Variants in GC observed in about 807,000 individuals in gnomAD.
GC encodes GC vitamin D binding protein.
Under a neutral mutation model 56.7 loss-of-function variants are expected in GC, and 43 were observed. The ratio of observed to expected loss-of-function variants is 0.76; its 90% CI spans 0.59 to 0.98. The LOEUF (loss-of-function observed/expected upper bound fraction) is 0.98, where lower values mean the gene tolerates loss of function less well. GC is among the 50% of genes least tolerant of loss of function. GC has a pLI of 0.00. For synonymous variants in GC, 216 were observed against 202.7 expected, an observed-to-expected ratio of 1.07 and a Z score of -0.56; for missense variants, 529 against 545.9, an observed-to-expected ratio of 0.97 and a Z score of 0.31.
In GC at chr4:71,752,890, T is replaced by G. The variant is rs180847653; in HGVS notation, c.1263-240A>C. Among the ~76,000 whole-genome samples, 422 of 152,296 alleles carry G rather than the reference T, an allele frequency of 2.8e-3. 2 individuals carry two copies. The highest frequency in any genetic ancestry group is 4.5e-3 in the Non-Finnish European group (307 of 68,020). On this transcript the variant is annotated intron_variant, in intron 10 of 12. Coordinates refer to ENST00000273951, the MANE Select transcript of GC (RefSeq NM_000583.4). ...AATCGCTGCTGAATTGGAAGTCCAG[T>G]CTTCTTTCATTTGCTCATTATTTCA...
intron 1 of GC, among the ~76,000 whole-genome samples, chr4:71,775,985 C>A (rs1386657688): frequency 6.6e-6 from 1 of 151,664 alleles, no homozygotes; most frequent in African/African-American, 2.4e-5. Flanking sequence ...ATGGCTATTG[C>A]CAGAAAGATT....
rs1170227353 is a variant in GC, at chr4:71,768,415, A to G, written c.147T>C (p.Ser49=). 6.2e-7 allele frequency: 1 copy of G among 1,611,868 alleles called. No homozygotes were observed. The highest frequency in any genetic ancestry group is 2.2e-5 in the East Asian group (1 of 44,806). ...CAAACGTGCCACTGGGAAATTTTCT[A>G]CTGTACAGGACTAGTGACCTGAGGG... ...DFTSLSLVLY[S]RKFPSGTFEQ... The change falls in exon 3 of 13, where the codon AGT becomes AGC. Residue 49 remains serine (S), a synonymous_variant. Transcript: ENST00000273951.
intron 1 of GC, among the ~76,000 whole-genome samples, chr4:71,777,884 C>T (rs1017899443): frequency 3.3e-5 from 5 of 151,258 alleles, no homozygotes; most frequent in East Asian, 2.0e-4. Context: ...TGGGGCCTGT[C>T]GGGGGTTGAG....
intron 10 of GC, among the ~76,000 whole-genome samples, chr4:71,753,447 G>A (rs1741619156): frequency 6.6e-6 from 1 of 151,044 alleles, no homozygotes; most frequent in South Asian, 2.1e-4. Context: ...TGAGCTGCCG[G>A]GGGGTGCAAA....
intron 10 of GC, among the ~76,000 whole-genome samples, chr4:71,754,030 T>C (rs1741639692): frequency 6.6e-6 from 1 of 152,212 alleles, no homozygotes; most frequent in Non-Finnish European, 1.5e-5. Context: ...CTTAGCTTCT[T>C]CTTATACAGA....
At chr4:71,755,287 C>T (rs139868816) in intron 8 of GC, among the ~76,000 whole-genome samples, 180 bp from the exon 9 acceptor site, 4,475 of 151,884 alleles carry the variant, frequency 0.029, 119 homozygotes, top group Non-Finnish European at 0.048. Context: ...CTCAGCCTCC[C>T]GAGTACCTGG....
chr4:71,749,813 G>T (rs1391529764), intron 11 of GC, among the ~76,000 whole-genome samples: 1 of 152,116 alleles, frequency 6.6e-6, no homozygotes, highest in Admixed American at 6.6e-5. Context: ...TTTGTCAGGA[G>T]AATTTAAAGA....
chr4:71,777,956 G>C (rs1334618030), intron 1 of GC, among the ~76,000 whole-genome samples: 1 of 151,486 alleles, frequency 6.6e-6, no homozygotes, highest in Non-Finnish European at 1.5e-5. Flanking sequence ...GATGGGTGCA[G>C]CAAACCACCA....
At chr4:71,784,110 A>C, upstream of GC, 1 of 1,522,920 alleles carries the variant, frequency 6.6e-7, no homozygotes, top group South Asian at 1.3e-5. Context: ...CTTTTTACAA[A>C]GATTCCTGAC....
chr4:71,765,707 T>C (rs1560699881), intron 3 of GC, 64 bp from the exon 4 acceptor site: 1 of 958,794 alleles, frequency 1.0e-6, no homozygotes, highest in Non-Finnish European at 1.7e-6. Flanking sequence ...TAGACTTCCA[T>C]TTAATATAAT....
Position 71,756,644 on chromosome 4 carries a change from G to C in GC, c.1034+68C>G, listed in dbSNP as rs987015577. The C allele has an allele frequency of 7.8e-6, 8 of 1,023,618 alleles. No homozygotes were observed. The Admixed American group carries it at 1.1e-4, about 14-fold the overall frequency. The allele number at this position is 1,023,618 out of a possible 1,614,324, so 63.4% of individuals were successfully genotyped here. ...GTGATAGCATACCTTCCCTCCATCT[G>C]GCTGGCCCCCACTTTTTGTCCAGAT... On this transcript the variant is annotated intron_variant, in intron 8 of 12. Coordinates refer to ENST00000273951, the MANE Select transcript of GC (RefSeq NM_000583.4).
chr4:71,767,701 G>A (rs981586319), intron 3 of GC, among the ~76,000 whole-genome samples: 2 of 150,608 alleles, frequency 1.3e-5, no homozygotes, highest in Non-Finnish European at 3.0e-5. Context: ...AAACTATTTT[G>A]TTTTTGGTTA....
Position 71,765,473 on chromosome 4 carries a change from G to A in GC, c.432C>T (p.Ile144=). ...TTGGATCTTTCCTGAACGCCTCACA[G>A]ATTTCATCATTTGTGGGTTCCACGT... ...PTYVEPTNDE[I]CEAFRKDPKE... Residue 144 remains isoleucine, a synonymous_variant, in exon 4 of 13, where the codon ATC becomes ATT. Coordinates refer to ENST00000273951, the MANE Select transcript of GC (RefSeq NM_000583.4). 6.2e-7 allele frequency: 1 copy of A among 1,613,982 alleles called. No individual in the cohort carries two copies. Among genetic ancestry groups the A allele is most frequent in the South Asian group, 1.1e-5 (1 of 91,084 alleles).
chr4:71,800,054 G>A (rs1743212078), intron 1 of GC, among the ~76,000 whole-genome samples: 2 of 137,720 alleles, frequency 1.5e-5, no homozygotes, highest in African/African-American at 2.6e-5. Flanking sequence ...ATTTATAGCT[G>A]ACACTTCACT....
In GC at chr4:71,746,181, G is replaced by A; in HGVS notation, c.1420C>T (p.Leu474=). 1.5e-6 allele frequency: 2 copies of A among 1,336,830 alleles called. No homozygotes were observed. The highest frequency in any genetic ancestry group is 2.1e-6 in the Non-Finnish European group (2 of 933,622). 82.8% of individuals were successfully genotyped at this position (1,336,830 alleles called of 1,614,324 possible). Residue 474 remains leucine (L), a synonymous_variant, in exon 12 of 13, where the codon CTG becomes TTG. Transcript: ENST00000273951. The part of the protein sequence containing the change: ...SEIDAELKNI[L] ...TTAATAAACATGCTTCAGGACTACA[G>A]GATATTCTTCAATTCAGCATCAATC...
rs1359818689 is a variant in GC at position 71,765,446 on chromosome 4, C to T, written c.459G>A (p.Lys153=). The change falls in exon 4 of 13, where the codon AAG becomes AAA. Residue 153 remains lysine (K), a synonymous_variant. Transcript: ENST00000273951. The part of the protein sequence containing the change: ...EICEAFRKDP[K]EYANQFMWEY... ...AAGGCACTCACTGATTAGCATATTC[C>T]TTTGGATCTTTCCTGAACGCCTCAC... 3 of 1,613,302 alleles carry T rather than the reference C, an allele frequency of 1.9e-6. No individual in the cohort carries two copies. The highest frequency in any genetic ancestry group is 1.7e-4 in the Middle Eastern group (1 of 5,864).
chr4:71,802,893 T>A (rs143097561), intron 1 of GC, among the ~76,000 whole-genome samples: 157 of 152,206 alleles, frequency 1.0e-3, no homozygotes, highest in Non-Finnish European at 1.7e-3. Context: ...TTATGATGAG[T>A]TTAATCCAGC....
intron 1 of GC, among the ~76,000 whole-genome samples, chr4:71,796,914 C>T (rs1044006282): frequency 2.0e-5 from 3 of 152,202 alleles, no homozygotes; most frequent in Non-Finnish European, 4.4e-5. Context: ...TTCTTTCTAA[C>T]AGTCAGGTCC....
intron 2 of GC, 86 bp downstream of exon 2, chr4:71,769,245 A>C: frequency 1.1e-5 from 11 of 962,200 alleles, no homozygotes; most frequent in African/African-American, 1.6e-5. Flanking sequence ...TTAAGGATTA[A>C]CCTCCATGCT....
Sources: allele counts gnomAD v4.1 joint callset (sites outside exome capture counted in the v4.1 genomes callset), GRCh38; gene constraint gnomAD v4.1.1; transcripts MANE v1.5; gene names NCBI Gene and HGNC (gene_info 2026-07-23, HGNC 2026-07-21).